The following CCSER1 variants were observed in gnomAD, a reference collection of about 807,000 sequenced individuals.
The protein encoded by CCSER1 is coiled-coil serine rich protein 1.
A neutral mutation model predicts 82.0 loss-of-function variants in CCSER1; 41 were observed. That is an observed-to-expected ratio of 0.50 (90% CI 0.39 to 0.65). The LOEUF (loss-of-function observed/expected upper bound fraction) is 0.65, where lower values mean the gene tolerates loss of function less well. Among genes scored for constraint, CCSER1 ranks in the 30% least tolerant of loss-of-function variants. The probability of loss-of-function intolerance (pLI) is 0.00; values close to 1 mark genes in which losing one functional copy is unlikely to be tolerated. For missense variants in CCSER1, 1,119 were observed against 1,064.2 expected, an observed-to-expected ratio of 1.05 and a Z score of -0.72; for synonymous variants, 414 against 383.9, an observed-to-expected ratio of 1.08 and a Z score of -0.92.
chr4:90,301,154 T>A (rs765930810), intron 1 of CCSER1, among the ~76,000 whole-genome samples: 15 of 152,154 alleles, frequency 9.9e-5, no homozygotes, highest in Non-Finnish European at 2.1e-4. Flanking sequence ...TAAAATGTCT[T>A]AATTATGTAA....
intron 6 of CCSER1, among the ~76,000 whole-genome samples, chr4:90,673,053 A>G (rs1203089074): frequency 6.6e-6 from 1 of 152,002 alleles, no homozygotes; most frequent in African/African-American, 2.4e-5. Flanking sequence ...AATTACCAAA[A>G]TGTGACACAG....
intron 9 of CCSER1, among the ~76,000 whole-genome samples, chr4:90,997,028 C>A (rs1737558419): frequency 6.6e-6 from 1 of 152,188 alleles, no homozygotes; most frequent in Non-Finnish European, 1.5e-5. Flanking sequence ...AATACAATTG[C>A]TGGACTCTAT....
chr4:90,644,381 C>T (rs1197861189), intron 6 of CCSER1, among the ~76,000 whole-genome samples: 1 of 152,082 alleles, frequency 6.6e-6, no homozygotes, highest in Non-Finnish European at 1.5e-5. Context: ...TCACTTGTGG[C>T]ACCATGTTGG....
At chr4:90,737,548 A>T (rs538925282) in intron 7 of CCSER1, among the ~76,000 whole-genome samples, 1 of 151,970 alleles carries the variant, frequency 6.6e-6, no homozygotes, top group East Asian at 1.9e-4. Flanking sequence ...TCCTTTCTTT[A>T]TCCTTGTCCT....
intron 6 of CCSER1, among the ~76,000 whole-genome samples, chr4:90,717,378 C>A (rs144312185): frequency 1.3e-5 from 2 of 152,222 alleles, no homozygotes; most frequent in East Asian, 3.9e-4. Context: ...CTTGCATTTT[C>A]ACTTGGAGGA....
intron 10 of CCSER1, among the ~76,000 whole-genome samples, chr4:91,354,618 C>A (rs181892255): frequency 3.3e-5 from 5 of 152,260 alleles, no homozygotes; most frequent in Admixed American, 2.0e-4. Context: ...ATGAGTGAAT[C>A]CTTTTCCTTC....
Position 91,516,444 on chromosome 4 carries a change from C to T in CCSER1, c.2218-82128C>T, listed in dbSNP as rs112521038. On this transcript the variant is annotated intron_variant, in intron 10 of 10. Coordinates refer to ENST00000509176, the MANE Select transcript of CCSER1 (RefSeq NM_001145065.2). ...GCATATGGCTAGACAGCTATCCCAG[C>T]ACCATTTATTGAATAGGAATACCTT... 9.3e-3 allele frequency among the ~76,000 whole-genome samples: 1,412 copies of T among 152,292 alleles called. 8 individuals carry two copies. The highest frequency in any genetic ancestry group is 0.017 in the Middle Eastern group (5 of 294).
chr4:90,366,625 G>C (rs904525894), intron 3 of CCSER1, among the ~76,000 whole-genome samples: 1 of 151,712 alleles, frequency 6.6e-6, no homozygotes, highest in Non-Finnish European at 1.5e-5. Flanking sequence ...TGTACCCTTT[G>C]ACCATCATCT....
chr4:91,077,210 A>T (rs1722093163), intron 9 of CCSER1, among the ~76,000 whole-genome samples: 1 of 152,136 alleles, frequency 6.6e-6, no homozygotes, highest in Non-Finnish European at 1.5e-5. Flanking sequence ...CAGAGGGACC[A>T]AGCCTTAGGA....
At chr4:91,268,624 A>T (rs1164774862) in intron 10 of CCSER1, among the ~76,000 whole-genome samples, 1 of 152,154 alleles carries the variant, frequency 6.6e-6, no homozygotes, top group Non-Finnish European at 1.5e-5. Context: ...ACCTGGGTGC[A>T]GGCTGGCTGA....
chr4:91,183,175 A>G (rs552378782), intron 10 of CCSER1, among the ~76,000 whole-genome samples: 52 of 152,338 alleles, frequency 3.4e-4, no homozygotes, highest in Non-Finnish European at 6.5e-4. Flanking sequence ...GTTCATCTGT[A>G]TGTAATAGTA....
rs368464394 is a variant in CCSER1, at chr4:91,167,881, G to A, written c.2217+81887G>A. On this transcript the variant is annotated intron_variant, in intron 10 of 10. Transcript: ENST00000509176. ...AAATTATGGCTGCTCACCCCATCTG[G>A]GAACTGAGGAGTGCCTCTGCCCGGC... Among the ~76,000 whole-genome samples the A allele has an allele frequency of 1.2e-3, 187 of 152,350 alleles. 1 individual carries two copies. The highest frequency in any genetic ancestry group is 7.0e-3 in the South Asian group (34 of 4,828).
At chr4:91,567,513 G>T (rs1560769238) in intron 10 of CCSER1, among the ~76,000 whole-genome samples, 1 of 152,004 alleles carries the variant, frequency 6.6e-6, no homozygotes, top group Non-Finnish European at 1.5e-5. Context: ...GTGGGAGTCT[G>T]TTTCTCTTTG....
chr4:91,453,198 C>G (rs1474235397), intron 10 of CCSER1, among the ~76,000 whole-genome samples: 1 of 151,714 alleles, frequency 6.6e-6, no homozygotes, highest in Non-Finnish European at 1.5e-5. Flanking sequence ...AAATAACTAT[C>G]CTTATACTTT....
At chr4:91,346,191 A>G (rs1748044495) in intron 10 of CCSER1, among the ~76,000 whole-genome samples, 2 of 151,838 alleles carry the variant, frequency 1.3e-5, no homozygotes, top group African/African-American at 4.8e-5. Context: ...GAATTTTTGT[A>G]TTTTTAGTAG....
chr4:91,257,261 G>C (rs74793954), intron 10 of CCSER1, among the ~76,000 whole-genome samples: 1 of 151,888 alleles, frequency 6.6e-6, no homozygotes, highest in African/African-American at 2.4e-5. Context: ...GTTATATCAC[G>C]TCCCAAAGTA....
intron 10 of CCSER1, among the ~76,000 whole-genome samples, chr4:91,466,928 C>T (rs573473860): frequency 6.6e-6 from 1 of 152,208 alleles, no homozygotes; most frequent in South Asian, 2.1e-4. Flanking sequence ...GGCCATACTG[C>T]CCAAGGTAAT....
At chr4:91,146,334 T>C (rs543518373) in intron 10 of CCSER1, among the ~76,000 whole-genome samples, 6 of 152,310 alleles carry the variant, frequency 3.9e-5, no homozygotes, top group Admixed American at 1.3e-4. Flanking sequence ...ATTTTTTGGC[T>C]TTCTTTCGAT....
At chr4:91,451,289 AC>A (rs1488458818) in intron 10 of CCSER1, among the ~76,000 whole-genome samples, 2 of 152,048 alleles carry the variant, frequency 1.3e-5, no homozygotes, top group Non-Finnish European at 2.9e-5. Flanking sequence ...AGGGCTTCAA[AC>A]ATTAAGACTG....
Sources: gnomAD v4.1 joint callset for allele counts (sites outside exome capture counted in the v4.1 genomes callset) on GRCh38, gnomAD v4.1.1 for gene constraint, MANE v1.5 for transcripts, NCBI Gene and HGNC (gene_info 2026-07-23, HGNC 2026-07-21) for gene names.